The following LDAH variants were observed in gnomAD, a reference collection of about 807,000 sequenced individuals.
LDAH encodes the protein lipid droplet-associated hydrolase.
A neutral mutation model predicts 29.6 loss-of-function variants in LDAH; 26 were observed. The ratio of observed to expected loss-of-function variants is 0.88; its 90% CI spans 0.64 to 1.22. LDAH has a LOEUF of 1.22. LDAH is among the 50% of genes most tolerant of loss of function. The probability of loss-of-function intolerance (pLI) is 0.00; values close to 1 mark genes in which losing one functional copy is unlikely to be tolerated. For synonymous variants in LDAH, 117 were observed against 133.0 expected (o/e 0.88, Z 0.83); for missense variants, 344 against 387.3 (o/e 0.89, Z 0.94).
intron 5 of LDAH, among the ~76,000 whole-genome samples, chr2:20,711,289 G>C (rs928697732): frequency 1.3e-5 from 2 of 151,982 alleles, no homozygotes; most frequent in African/African-American, 4.8e-5. Flanking sequence ...TCGGGAGGCT[G>C]AGGCAGAATG....
intron 4 of LDAH, among the ~76,000 whole-genome samples, chr2:20,771,286 A>G (rs1669396781): frequency 6.6e-6 from 1 of 152,226 alleles, no homozygotes; most frequent in Non-Finnish European, 1.5e-5. Context: ...ACCAAAATAA[A>G]ACTAAATAAA....
chr2:20,767,422 T>C (rs931925233), intron 4 of LDAH, among the ~76,000 whole-genome samples: 3 of 152,172 alleles, frequency 2.0e-5, no homozygotes, highest in Non-Finnish European at 2.9e-5. Context: ...CCCGGCTGGG[T>C]GTGCACACAC....
rs547548607 is a variant in LDAH, at chr2:20,765,807, G to C, written c.468+9003C>G. 1.6e-4 allele frequency among the ~76,000 whole-genome samples: 24 copies of C among 152,344 alleles called. No homozygotes were observed. In the South Asian group the frequency reaches 4.1e-3, roughly 26 times the overall value. ...TACACAGCAGCTGGCTTCTGAGAGG[G>C]AGGAAATAGAAGCTCCTAGTCCTCT... On this transcript the variant is annotated intron_variant, in intron 4 of 6. Transcript: ENST00000237822.
chr2:20,753,364 G>A (rs6740939), intron 4 of LDAH, among the ~76,000 whole-genome samples: 5,451 of 152,190 alleles, frequency 0.036, 315 homozygotes, highest in African/African-American at 0.12. Flanking sequence ...GTCAGATCCT[G>A]TATAATTGTT....
intron 5 of LDAH, among the ~76,000 whole-genome samples, chr2:20,715,631 C>G (rs1395338704): frequency 1.3e-5 from 2 of 152,116 alleles, no homozygotes; most frequent in Non-Finnish European, 2.9e-5. Context: ...TTTAGAAAAC[C>G]CCATTGTCTC....
intron 1 of LDAH, among the ~76,000 whole-genome samples, chr2:20,803,543 C>T (rs1260685785): frequency 1.3e-5 from 2 of 152,198 alleles, no homozygotes; most frequent in Admixed American, 1.3e-4. Context: ...GCTCCAACTC[C>T]TTCTACTAAC....
At chr2:20,726,164 C>T (rs1303248182) in intron 5 of LDAH, among the ~76,000 whole-genome samples, 1 of 152,166 alleles carries the variant, frequency 6.6e-6, no homozygotes, top group African/African-American at 2.4e-5. Context: ...GCTTAACTGC[C>T]TATCAGGCTC....
At chr2:20,809,537 C>T (rs1006797783) in intron 1 of LDAH, among the ~76,000 whole-genome samples, 3 of 152,110 alleles carry the variant, frequency 2.0e-5, no homozygotes, top group Non-Finnish European at 4.4e-5. Context: ...CACATATATA[C>T]ACATATGTAT....
chr2:20,770,579 T>C (rs1669343813), intron 4 of LDAH, among the ~76,000 whole-genome samples: 1 of 152,168 alleles, frequency 6.6e-6, no homozygotes, highest in Non-Finnish European at 1.5e-5. Context: ...ATAGTGGAGA[T>C]AAGATTACTA....
At chr2:20,768,846 T>A (rs914063216) in intron 4 of LDAH, among the ~76,000 whole-genome samples, 20 of 152,210 alleles carry the variant, frequency 1.3e-4, no homozygotes, top group African/African-American at 4.6e-4. Context: ...ACTAGTAAAC[T>A]TTCCTGTCAC....
chr2:20,710,766 T>C (rs913300926), intron 5 of LDAH, among the ~76,000 whole-genome samples: 3 of 149,632 alleles, frequency 2.0e-5, no homozygotes, highest in Non-Finnish European at 4.4e-5. Flanking sequence ...TATACACATA[T>C]ATATGACTAT....
At chr2:20,765,243 T>C (rs553724151) in intron 4 of LDAH, among the ~76,000 whole-genome samples, 11 of 152,324 alleles carry the variant, frequency 7.2e-5, no homozygotes, top group South Asian at 2.1e-4. Context: ...TCTCAGCATA[T>C]GTTAAATTCT....
At chr2:20,716,175 C>G (rs1199710180) in intron 5 of LDAH, among the ~76,000 whole-genome samples, 4 of 152,138 alleles carry the variant, frequency 2.6e-5, no homozygotes, top group African/African-American at 4.8e-5. Flanking sequence ...GTGGCAATTC[C>G]TCAAGGATCT....
At chr2:20,739,034 C>T (rs1221018928) in intron 5 of LDAH, among the ~76,000 whole-genome samples, 3 of 152,232 alleles carry the variant, frequency 2.0e-5, no homozygotes, top group African/African-American at 7.2e-5. Context: ...GGCAGAATGC[C>T]TGGGTTTCAA....
At chr2:20,736,403 C>A (rs559898043) in intron 5 of LDAH, among the ~76,000 whole-genome samples, 4 of 152,038 alleles carry the variant, frequency 2.6e-5, no homozygotes, top group Non-Finnish European at 5.9e-5. Flanking sequence ...GATTGAGCCA[C>A]TGCACCCTAG....
At chr2:20,796,542 A>G (rs190753580) in intron 2 of LDAH, among the ~76,000 whole-genome samples, 97 of 152,348 alleles carry the variant, frequency 6.4e-4, no homozygotes, top group African/African-American at 2.0e-3. Flanking sequence ...AGTTGGACTG[A>G]CTGAGCCAAA....
chr2:20,715,677 G>A (rs529250882), intron 5 of LDAH, among the ~76,000 whole-genome samples: 2 of 152,326 alleles, frequency 1.3e-5, no homozygotes, highest in South Asian at 4.1e-4. Flanking sequence ...AGCAGCTTCA[G>A]CAAGGTCTCA....
intron 5 of LDAH, among the ~76,000 whole-genome samples, chr2:20,703,669 T>C (rs1664114882): frequency 6.6e-6 from 1 of 152,184 alleles, no homozygotes; most frequent in African/African-American, 2.4e-5. Context: ...ACTCAATATT[T>C]TTCTGAGTCA....
intron 6 of LDAH, among the ~76,000 whole-genome samples, chr2:20,692,977 C>T (rs945559697): frequency 2.0e-5 from 3 of 152,090 alleles, no homozygotes; most frequent in East Asian, 1.9e-4. Context: ...CCAAGAAGAG[C>T]GTAGTGCAGT....
Sources: gnomAD v4.1 joint callset for allele counts (sites outside exome capture counted in the v4.1 genomes callset) on GRCh38, gnomAD v4.1.1 for gene constraint, MANE v1.5 for transcripts, NCBI Gene and HGNC (gene_info 2026-07-23, HGNC 2026-07-21) for gene names.